Variants in ABCA1 observed in about 807,000 individuals in gnomAD.
ABCA1 encodes phospholipid-transporting ATPase ABCA1.
In ABCA1, 133 loss-of-function variants were observed where a neutral mutation model predicts 262.5. The observed-to-expected ratio is 0.51, with a 90% CI of 0.44 to 0.59. The LOEUF (loss-of-function observed/expected upper bound fraction) is 0.59. Ranked by LOEUF, ABCA1 falls within the 20% of genes least tolerant of loss-of-function variation. The pLI, the probability that ABCA1 is intolerant of heterozygous loss-of-function variation, is 0.00. For missense variants in ABCA1, 2,452 were observed against 2,777.5 expected (o/e 0.88, Z 2.63); for synonymous variants, 1,022 against 1,043.5 (o/e 0.98, Z 0.40).
chr9:104,906,517 T>C (rs1028366452), intron 1 of ABCA1, among the ~76,000 whole-genome samples: 7 of 152,110 alleles, frequency 4.6e-5, no homozygotes, highest in African/African-American at 1.7e-4. Flanking sequence ...ACCGTGGCTT[T>C]GCTGGGCACA....
chr9:104,926,693 AG>A (rs1403291211), intron 1 of ABCA1, among the ~76,000 whole-genome samples: 5 of 152,142 alleles, frequency 3.3e-5, no homozygotes, highest in African/African-American at 7.2e-5. Context: ...AGCCCAGCCC[AG>A]CCCCGCGGCG....
chr9:104,824,257 G>A (rs1252188869), intron 18 of ABCA1, among the ~76,000 whole-genome samples: 1 of 152,188 alleles, frequency 6.6e-6, no homozygotes, highest in Non-Finnish European at 1.5e-5. Flanking sequence ...ATGTCCCTCA[G>A]GGATCGAGAC....
intron 28 of ABCA1, among the ~76,000 whole-genome samples, chr9:104,811,190 G>A (rs1238532527): frequency 2.0e-5 from 3 of 152,228 alleles, no homozygotes; most frequent in Admixed American, 2.0e-4. Context: ...AGAAGTTCAC[G>A]AAGTAAATAG....
chr9:104,907,281 T>G (rs1246790109), intron 1 of ABCA1, among the ~76,000 whole-genome samples: 3 of 152,198 alleles, frequency 2.0e-5, no homozygotes, highest in African/African-American at 7.2e-5. Flanking sequence ...AACTTAGGTC[T>G]CCACTTCTTC....
rs1418383368 is a variant in ABCA1, at chr9:104,825,882, C to T, written c.2343G>A (p.Leu781=). The change falls in exon 17 of 50, where the codon CTG becomes CTA. Residue 781 remains leucine (L), a synonymous_variant. Coordinates refer to ENST00000374736, the MANE Select transcript of ABCA1 (RefSeq NM_005502.4). ...VGFTLKIFAS[L]LSPVAFGFGC... ...CAAACCCAAAAGCCACAGGAGACAG[C>T]AGGCTCTGTGAGAAACAGGCAAAGT... is the stretch of plus-strand genomic sequence containing the variant. 1 of 1,613,966 alleles carries T rather than the reference C, an allele frequency of 6.2e-7. No individual in the cohort carries two copies. The highest frequency in any genetic ancestry group is 1.1e-5 in the South Asian group (1 of 91,076).
chr9:104,879,889 T>G (rs946633980), intron 5 of ABCA1, among the ~76,000 whole-genome samples: 2 of 151,644 alleles, frequency 1.3e-5, no homozygotes, highest in Non-Finnish European at 2.9e-5. Flanking sequence ...GAGGCAGAAA[T>G]GGGGAGGAAA....
chr9:104,807,866 ACAC>A (rs1431639268), intron 30 of ABCA1, among the ~76,000 whole-genome samples: 1 of 145,998 alleles, frequency 6.8e-6, no homozygotes, highest in Non-Finnish European at 1.5e-5. Context: ...ACACACACAC[ACAC>A]ACACACATAT....
At chr9:104,798,949 G>A (rs1047223807) in intron 36 of ABCA1, among the ~76,000 whole-genome samples, 1 of 152,134 alleles carries the variant, frequency 6.6e-6, no homozygotes, top group Non-Finnish European at 1.5e-5. Context: ...CACACACAAA[G>A]GACTAGTGGG....
intron 6 of ABCA1, among the ~76,000 whole-genome samples, chr9:104,859,963 A>C (rs1256075193): frequency 6.6e-6 from 1 of 151,526 alleles, no homozygotes; most frequent in Non-Finnish European, 1.5e-5. Context: ...GCTGAAGCAG[A>C]GAATCACTTG....
intron 2 of ABCA1, among the ~76,000 whole-genome samples, chr9:104,900,753 G>C (rs1840603733): frequency 6.6e-6 from 1 of 152,324 alleles, no homozygotes; most frequent in South Asian, 2.1e-4. Context: ...CCCCAGTTCT[G>C]TCAGCTGTAC....
intron 1 of ABCA1, among the ~76,000 whole-genome samples, chr9:104,924,611 GAA>G (rs34450679): frequency 2.0e-5 from 2 of 102,528 alleles, no homozygotes. Context: ...CTCCATCTCA[GAA>G]AAAAAAAAAA....
rs369586499 is a variant in ABCA1 at position 104,829,108 on chromosome 9, G to A, written c.1923C>T (p.Pro641=). 6.2e-7 allele frequency: 1 copy of A among 1,614,180 alleles called. No individual in the cohort carries two copies. Residue 641 remains proline, a synonymous_variant, in exon 15 of 50, where the codon CCC becomes CCT. Transcript: ENST00000374736. ...AAATCCAGGCCAGCGTCATGAAGAG[G>A]GGCATTGACCGGCTCATCACCCGCA... ...IFLRVMSRSM[P]LFMTLAWIYS...
In ABCA1 at chr9:104,829,943, TACACACACACAC is replaced by T. The variant is rs59055896; in HGVS notation, c.1893-817_1893-806del. ...CCAGCTCCTCCCGCATCCTGATCCC[TACACACACACAC>T]ACACACACACACACACACACACACA... On this transcript the variant is annotated intron_variant, in intron 14 of 49. Coordinates refer to ENST00000374736, the MANE Select transcript of ABCA1 (RefSeq NM_005502.4). 8.4e-3 allele frequency among the ~76,000 whole-genome samples: 1,185 copies of T among 140,892 alleles called. 12 individuals carry two copies. The highest frequency in any genetic ancestry group is 0.028 in the African/African-American group (1,096 of 39,172). 92.4% of individuals were successfully genotyped at this position (140,892 alleles called of 152,430 possible). A position where few individuals can be genotyped will look rare whatever the true frequency, so the allele number is the denominator to read the frequency against.
At chr9:104,809,608 C>A in intron 29 of ABCA1, 44 bp from the exon 30 acceptor site, 1 of 1,503,752 alleles carries the variant, frequency 6.7e-7, no homozygotes. Context: ...TTCATTAAAA[C>A]CAGTAATCGA....
rs1205548622 is a variant in ABCA1 at position 104,900,945 on chromosome 9, C to T, written c.66+2669G>A. Among the ~76,000 whole-genome samples the T allele has an allele frequency of 2.0e-5, 3 of 152,176 alleles. No individual in the cohort carries two copies. The East Asian group carries it at 5.8e-4, about 29-fold the overall frequency. Reference sequence around the variant, plus strand: ...CCCCTTTGTGTCAGGGTGTTGCATCCCACTTCCTTCTTTAAAAAGAACTCT... The same window carrying T: ...CCCCTTTGTGTCAGGGTGTTGCATCTCACTTCCTTCTTTAAAAAGAACTCT... On this transcript the variant is annotated intron_variant, in intron 2 of 49. Transcript: ENST00000374736.
rs776998654 is a variant in ABCA1 at position 104,796,151 on chromosome 9, T to C, written c.5284A>G (p.Ile1762Val). Residue 1762 changes from isoleucine (I) to valine (V), a missense_variant, in exon 39 of 50, where the codon ATC (isoleucine) becomes GTC (valine). This residue lies in a region of ABCA1 where 752 missense variants were observed against 944.5 expected (regional missense o/e 0.80). Transcript: ENST00000374736. ...LMYPASFVFKIPSTAYVVLTS... is the reference protein window; with the variant it reads ...LMYPASFVFKVPSTAYVVLTS... ...AGCACCACATAGGCTGTGCTGGGGA[T>C]CTTGAACACAAAGGAGGCTGGGTAC... The C allele has an allele frequency of 2.5e-6, 4 of 1,614,056 alleles. No homozygotes were observed. In the South Asian group the frequency reaches 4.4e-5, roughly 18 times the overall value.
At chr9:104,856,368 G>T (rs1835838880) in intron 7 of ABCA1, among the ~76,000 whole-genome samples, 1 of 152,100 alleles carries the variant, frequency 6.6e-6, no homozygotes, top group Non-Finnish European at 1.5e-5. Context: ...GAACCTGAGT[G>T]CTCCACAAAC....
chr9:104,876,639 A>T (rs184000888), intron 5 of ABCA1, among the ~76,000 whole-genome samples: 1 of 152,320 alleles, frequency 6.6e-6, no homozygotes, highest in East Asian at 1.9e-4. Context: ...ACACAGTAAA[A>T]ATAAGACAGC....
chr9:104,917,796 A>C (rs544537095), intron 1 of ABCA1, among the ~76,000 whole-genome samples: 4 of 152,122 alleles, frequency 2.6e-5, no homozygotes, highest in Non-Finnish European at 4.4e-5. Flanking sequence ...TCTTTTTGAC[A>C]CCTCTTTAAT....
Sources: allele counts gnomAD v4.1 joint callset (sites outside exome capture counted in the v4.1 genomes callset), GRCh38; gene constraint gnomAD v4.1.1; regional missense constraint gnomAD v4.1.1; transcripts MANE v1.5; gene names NCBI Gene and HGNC (gene_info 2026-07-23, HGNC 2026-07-21).